Variants in SKAP1 observed in about 807,000 individuals in gnomAD.
SKAP1 encodes the protein src kinase associated phosphoprotein 1.
SKAP1 carries 44 observed loss-of-function variants against 58.5 expected under a neutral mutation model. The observed-to-expected ratio is 0.75, with a 90% CI of 0.59 to 0.97. The LOEUF (loss-of-function observed/expected upper bound fraction) is 0.97, where lower values mean the gene tolerates loss of function less well. Ranked by LOEUF, SKAP1 falls within the 50% of genes least tolerant of loss-of-function variation. The pLI is 0.00. For missense variants in SKAP1, 390 were observed against 435.2 expected (o/e 0.90, Z 0.92); for synonymous variants, 127 against 149.7 (o/e 0.85, Z 1.11).
chr17:48,339,021 T>C (rs927073198), intron 4 of SKAP1, among the ~76,000 whole-genome samples: 1 of 152,224 alleles, frequency 6.6e-6, no homozygotes, highest in African/African-American at 2.4e-5. Flanking sequence ...TGAAATCTGA[T>C]GGACTCACCT....
intron 4 of SKAP1, among the ~76,000 whole-genome samples, chr17:48,264,841 C>T (rs1235309028): frequency 1.3e-5 from 2 of 151,918 alleles, no homozygotes; most frequent in Non-Finnish European, 2.9e-5. Context: ...TCCCCAGCCT[C>T]TTCTGATTTT....
At chr17:48,444,781 A>G in the SKAP1 span, among the ~76,000 whole-genome samples, 17 of 152,246 alleles carry the variant, frequency 1.1e-4, no homozygotes, top group African/African-American at 4.1e-4. Flanking sequence ...TCCCAGCGAC[A>G]GGAGGAAGCC....
At chr17:48,205,621 A>G (rs974706469) in intron 4 of SKAP1, among the ~76,000 whole-genome samples, 5 of 152,208 alleles carry the variant, frequency 3.3e-5, no homozygotes, top group African/African-American at 9.7e-5. Context: ...GATATTTCAG[A>G]ACAGAATTCT....
At chr17:48,371,180 GCTCA>G (rs1480252184) in intron 2 of SKAP1, among the ~76,000 whole-genome samples, 1 of 152,146 alleles carries the variant, frequency 6.6e-6, no homozygotes, top group African/African-American at 2.4e-5. Flanking sequence ...TGGGTACTAT[GCTCA>G]CTATTTGGGT....
intron 12 of SKAP1, among the ~76,000 whole-genome samples, chr17:48,134,094 A>G (rs1391436476): frequency 1.3e-5 from 2 of 152,152 alleles, no homozygotes; most frequent in African/African-American, 4.8e-5. Context: ...ATATTTCAGA[A>G]TGTATTCCAC....
At chr17:48,156,428 C>A (rs764848039) in intron 11 of SKAP1, 7 of 523,630 alleles carry the variant, frequency 1.3e-5, no homozygotes, top group African/African-American at 1.2e-4. Flanking sequence ...ATGAGGAGAC[C>A]TGCACCAGCG....
At chr17:48,410,934 CAAAAA>C (rs61705374) in intron 1 of SKAP1, among the ~76,000 whole-genome samples, 13 of 66,972 alleles carry the variant, frequency 1.9e-4, no homozygotes, top group African/African-American at 7.0e-4. Context: ...GACTCCATTT[CAAAAA>C]AAAAAAAAAA....
At chr17:48,413,442 A>G (rs1343453154) in intron 1 of SKAP1, among the ~76,000 whole-genome samples, 1 of 149,398 alleles carries the variant, frequency 6.7e-6, no homozygotes, top group Non-Finnish European at 1.5e-5. Context: ...TGAACCTGGG[A>G]GGTGGAGGTT....
intron 3 of SKAP1, among the ~76,000 whole-genome samples, chr17:48,362,702 A>T (rs866729531): frequency 6.6e-6 from 1 of 152,226 alleles, no homozygotes; most frequent in Non-Finnish European, 1.5e-5. Flanking sequence ...TTTCTTAAAG[A>T]TGGCTTTAAA....
At chr17:48,359,572 T>A (rs2066912114) in intron 3 of SKAP1, among the ~76,000 whole-genome samples, 2 of 152,140 alleles carry the variant, frequency 1.3e-5, no homozygotes, top group Admixed American at 1.3e-4. Flanking sequence ...CTTAGCACTA[T>A]TTGTTTTTGC....
intron 4 of SKAP1, among the ~76,000 whole-genome samples, chr17:48,269,477 T>C (rs1489083901): frequency 2.0e-5 from 3 of 152,198 alleles, no homozygotes; most frequent in African/African-American, 7.2e-5. Context: ...GAGGGACCTG[T>C]ATTTCCAGGC....
chr17:48,217,771 T>A (rs562831687), intron 4 of SKAP1, among the ~76,000 whole-genome samples: 2 of 152,282 alleles, frequency 1.3e-5, no homozygotes, highest in South Asian at 2.1e-4. Context: ...TTGAGGCTAA[T>A]AAAGGCACCA....
intron 4 of SKAP1, among the ~76,000 whole-genome samples, chr17:48,198,183 C>T (rs1161193310): frequency 6.6e-6 from 1 of 151,922 alleles, no homozygotes; most frequent in African/African-American, 2.4e-5. Context: ...TGGCCGGGCG[C>T]GGTGGCTCAC....
chr17:48,362,912 G>A (rs2066954038), intron 3 of SKAP1, among the ~76,000 whole-genome samples: 1 of 152,154 alleles, frequency 6.6e-6, no homozygotes, highest in Admixed American at 6.5e-5. Flanking sequence ...GAGCAAAATA[G>A]TTTATAAAGC....
At chr17:48,266,746 G>A (rs2065556248) in intron 4 of SKAP1, among the ~76,000 whole-genome samples, 1 of 151,998 alleles carries the variant, frequency 6.6e-6, no homozygotes, top group South Asian at 2.1e-4. Context: ...TCTTGACCTC[G>A]TGATCCACCA....
chr17:48,416,655 A>G lies in SKAP1; in HGVS notation c.46+13420T>C, dbSNP rs547353449. ...ATATTTCATTCTAGGGTATCTGAGT[A>G]TTCTATACATTTAATTAAATGTCAC... is the stretch of plus-strand genomic sequence containing the variant. On this transcript the variant is annotated intron_variant, in intron 1 of 12. Transcript: ENST00000336915. Among the ~76,000 whole-genome samples the G allele has an allele frequency of 3.3e-5, 5 of 152,362 alleles. No individual in the cohort carries two copies. The South Asian group carries it at 1.0e-3, about 32-fold the overall frequency.
chr17:48,193,867 A>C (rs982295424), intron 4 of SKAP1: 1 of 365,942 alleles, frequency 2.7e-6, no homozygotes, highest in African/African-American at 2.2e-5. Flanking sequence ...AATAGGAAGA[A>C]GTTGCAAACA....
intron 1 of SKAP1, among the ~76,000 whole-genome samples, chr17:48,404,002 T>C (rs772671839): frequency 6.7e-6 from 1 of 148,892 alleles, no homozygotes; most frequent in African/African-American, 2.5e-5. Context: ...GGCAGGAGAA[T>C]CCCTTGAACC....
intron 4 of SKAP1, among the ~76,000 whole-genome samples, chr17:48,240,499 A>G (rs1364860087): frequency 6.6e-6 from 1 of 152,222 alleles, no homozygotes; most frequent in Non-Finnish European, 1.5e-5. Flanking sequence ...GTTGCAGCAA[A>G]TGCCCTCTGA....
Sources: allele counts gnomAD v4.1 joint callset (sites outside exome capture counted in the v4.1 genomes callset), GRCh38; gene constraint gnomAD v4.1.1; transcripts MANE v1.5; gene names NCBI Gene and HGNC (gene_info 2026-07-23, HGNC 2026-07-21).